COLEC10: variants seen among roughly 807,000 people sequenced by gnomAD.
COLEC10 encodes collectin subfamily member 10.
COLEC10 carries 22 observed loss-of-function variants against 28.4 expected under a neutral mutation model. The observed-to-expected ratio is 0.78, with a 90% CI of 0.55 to 1.11. COLEC10 has a LOEUF of 1.11. Among genes scored for constraint, COLEC10 ranks in the 50% least tolerant of loss-of-function variants. The pLI, the probability that COLEC10 is intolerant of heterozygous loss-of-function variation, is 0.00. For missense variants in COLEC10, 361 were observed against 344.1 expected (o/e 1.05, Z -0.39); for synonymous variants, 125 against 116.1 (o/e 1.08, Z -0.49).
At chr8:119,065,325 T>C (rs1814933082), upstream of COLEC10, among the ~76,000 whole-genome samples, 1 of 152,080 alleles carries the variant, frequency 6.6e-6, no homozygotes, top group South Asian at 2.1e-4. Flanking sequence ...CGGCATTAGA[T>C]TCTCATAGGA....
chr8:119,098,307 C>T (rs187559585), intron 3 of COLEC10, among the ~76,000 whole-genome samples: 140 of 152,058 alleles, frequency 9.2e-4, no homozygotes, highest in African/African-American at 3.3e-3. Flanking sequence ...GTTTTTAGTA[C>T]GATTAGCTGA....
At chr8:119,037,698 C>T (rs941186103) in intron 2 of COLEC10, among the ~76,000 whole-genome samples, 1 of 152,294 alleles carries the variant, frequency 6.6e-6, no homozygotes, top group Admixed American at 6.5e-5. Flanking sequence ...TCCATTTCTG[C>T]TCTCCACCAA....
chr8:119,103,748 C>T (rs1815884825), intron 4 of COLEC10, 52 bp from the exon 5 acceptor site: 1 of 1,062,012 alleles, frequency 9.4e-7, no homozygotes, highest in Non-Finnish European at 1.5e-6. Context: ...TGTTCCTTTC[C>T]ACTGGTCTGC....
intron 2 of COLEC10, among the ~76,000 whole-genome samples, chr8:119,027,488 A>G (rs1268428019): frequency 6.6e-6 from 1 of 152,066 alleles, no homozygotes; most frequent in Non-Finnish European, 1.5e-5. Context: ...GTGATCTTTT[A>G]TGCAAATTCA....
At chr8:118,954,918 G>A in the COLEC10 span, among the ~76,000 whole-genome samples, 24 of 152,200 alleles carry the variant, frequency 1.6e-4, no homozygotes, top group Non-Finnish European at 2.9e-4. Flanking sequence ...ACTCAGGAAA[G>A]CAATTGACTT....
At chr8:119,049,780 T>C (rs1319851730) in intron 2 of COLEC10, among the ~76,000 whole-genome samples, 1 of 152,212 alleles carries the variant, frequency 6.6e-6, no homozygotes, top group Non-Finnish European at 1.5e-5. Context: ...TTAAGTCATC[T>C]TACCTGATTT....
intron 2 of COLEC10, among the ~76,000 whole-genome samples, chr8:119,050,143 T>C (rs1042147869): frequency 6.6e-6 from 1 of 152,212 alleles, no homozygotes; most frequent in Non-Finnish European, 1.5e-5. Flanking sequence ...AACATGAATG[T>C]TCCCTAGTAC....
At chr8:118,958,620 A>G in the COLEC10 span, among the ~76,000 whole-genome samples, 1 of 152,254 alleles carries the variant, frequency 6.6e-6, no homozygotes, top group Non-Finnish European at 1.5e-5. Flanking sequence ...ACACAAATTT[A>G]GCATTCAATT....
At chr8:119,085,599 C>CTTTTTTTT (rs66829005) in intron 1 of COLEC10, among the ~76,000 whole-genome samples, 93 of 63,510 alleles carry the variant, frequency 1.5e-3, no homozygotes, top group Non-Finnish European at 1.9e-3. Flanking sequence ...TCTTCTTCTT[C>CTTTTTTTT]TTTTTTTTTT....
At chr8:119,003,010 C>T (rs889929620) in intron 1 of COLEC10, among the ~76,000 whole-genome samples, 1 of 152,116 alleles carries the variant, frequency 6.6e-6, no homozygotes, top group Admixed American at 6.6e-5. Flanking sequence ...TCCAATTGAA[C>T]TTGCACTTTA....
At chr8:118,989,240 G>A in the COLEC10 span, among the ~76,000 whole-genome samples, 6 of 152,188 alleles carry the variant, frequency 3.9e-5, no homozygotes, top group East Asian at 1.9e-4. Flanking sequence ...CATTAGTAGC[G>A]TGGACATAGC....
chr8:118,954,533 T>C, the COLEC10 span, among the ~76,000 whole-genome samples: 5 of 152,236 alleles, frequency 3.3e-5, no homozygotes, highest in Admixed American at 3.3e-4. Flanking sequence ...ACTACATTCA[T>C]CTTCCTGTGA....
At chr8:119,067,183 C>T, upstream of COLEC10, 2 of 1,290,950 alleles carry the variant, frequency 1.5e-6, no homozygotes, top group Non-Finnish European at 2.2e-6. Context: ...AATGTGTGTT[C>T]CAAATACTTC....
chr8:119,077,792 C>T (rs910020330), intron 1 of COLEC10, among the ~76,000 whole-genome samples: 1 of 152,090 alleles, frequency 6.6e-6, no homozygotes, highest in Non-Finnish European at 1.5e-5. Flanking sequence ...CCAATGGCTT[C>T]CACATAAATA....
intron 2 of COLEC10, among the ~76,000 whole-genome samples, chr8:119,044,886 G>T (rs1027209326): frequency 6.6e-6 from 1 of 151,444 alleles, no homozygotes; most frequent in Non-Finnish European, 1.5e-5. Flanking sequence ...TGAGATGCAA[G>T]TGCAGTTCTT....
intron 1 of COLEC10, among the ~76,000 whole-genome samples, chr8:119,082,314 C>A (rs1815386274): frequency 6.6e-6 from 1 of 152,164 alleles, no homozygotes; most frequent in Admixed American, 6.5e-5. Flanking sequence ...ATTAATCAGC[C>A]ATTATTGAGA....
intron 2 of COLEC10, among the ~76,000 whole-genome samples, chr8:119,025,029 C>T (rs192006265): frequency 6.6e-6 from 1 of 152,148 alleles, no homozygotes; most frequent in African/African-American, 2.4e-5. Context: ...CAAAAAGATC[C>T]CACTTTCTGT....
the COLEC10 span, among the ~76,000 whole-genome samples, chr8:118,987,694 A>G: frequency 2.6e-5 from 4 of 152,208 alleles, no homozygotes; most frequent in Non-Finnish European, 4.4e-5. Context: ...CTAGACCACT[A>G]TCATTCATGT....
chr8:119,081,180 T>C (rs772589918), intron 1 of COLEC10, among the ~76,000 whole-genome samples: 3 of 152,158 alleles, frequency 2.0e-5, no homozygotes, highest in Non-Finnish European at 4.4e-5. Flanking sequence ...TCCAGAAATG[T>C]TGTAGCAATT....
Sources: allele counts gnomAD v4.1 joint callset (sites outside exome capture counted in the v4.1 genomes callset), GRCh38; gene constraint gnomAD v4.1.1; transcripts MANE v1.5; gene names NCBI Gene and HGNC (gene_info 2026-07-23, HGNC 2026-07-21).